The following NFX1 variants were observed in gnomAD, a reference collection of about 807,000 sequenced individuals.
NFX1 encodes transcriptional repressor NF-X1.
A neutral mutation model predicts 137.2 loss-of-function variants in NFX1; 69 were observed. The observed-to-expected ratio is 0.50, with a 90% CI of 0.41 to 0.61. The LOEUF is 0.61. Ranked by LOEUF, NFX1 falls within the 20% of genes least tolerant of loss-of-function variation. The pLI is 0.00. For missense variants in NFX1, 1,167 were observed against 1,391.0 expected (o/e 0.84, Z 2.56); for synonymous variants, 495 against 474.1 (o/e 1.04, Z -0.57).
At chr9:33,290,660 A>G (rs1821122533) in intron 1 of NFX1, 63 bp downstream of exon 1, 3 of 1,525,870 alleles carry the variant, frequency 2.0e-6, no homozygotes, top group East Asian at 2.3e-5. Context: ...GTCAGTGACG[A>G]AGTTCTAGGG....
At chr9:33,312,511 G>A (rs1427795153) in intron 6 of NFX1, among the ~76,000 whole-genome samples, 1 of 152,236 alleles carries the variant, frequency 6.6e-6, no homozygotes, top group Non-Finnish European at 1.5e-5. Flanking sequence ...AACTCTTCTT[G>A]CAGGAGAGTA....
At chr9:33,358,742 A>G (rs759182807) in intron 19 of NFX1, among the ~76,000 whole-genome samples, 181 of 136,636 alleles carry the variant, frequency 1.3e-3, no homozygotes, top group Non-Finnish European at 2.3e-3. Flanking sequence ...AGCTCACTGC[A>G]GCCTCTACCT....
At position 33,295,442 on chromosome 9, in the gene NFX1, A is replaced by G. The variant is rs1360461524; in HGVS notation, c.1033+15A>G. The G allele has an allele frequency of 6.3e-7, 1 of 1,581,930 alleles. No homozygotes were observed. Among genetic ancestry groups the G allele is most frequent in the Non-Finnish European group, 8.6e-7 (1 of 1,162,902 alleles). Reference sequence around the variant, plus strand: ...AACGCACACAGGTAAACCTACCTAGATAGGAAATATTTTGTTGTCTTTTTA... The same window carrying G: ...AACGCACACAGGTAAACCTACCTAGGTAGGAAATATTTTGTTGTCTTTTTA... On this transcript the variant is annotated intron_variant, in intron 2 of 23. Transcript: ENST00000379540.
chr9:33,342,832 C>T lies in NFX1; in HGVS notation c.2202C>T (p.Asn734=), dbSNP rs773289316. ...GTGAAGAACCTTGTCATCGTGGAAA[C>T]TGCCAGACATGCTGGCAAGCCAGTG... ...HRCEEPCHRG[N]CQTCWQASFD... Residue 734 remains asparagine (N), a synonymous_variant, in exon 13 of 24, where the codon AAC becomes AAT. Coordinates refer to ENST00000379540, the MANE Select transcript of NFX1 (RefSeq NM_002504.6). 1.9e-6 allele frequency: 3 copies of T among 1,612,996 alleles called. No individual in the cohort carries two copies. The highest frequency in any genetic ancestry group is 2.5e-6 in the Non-Finnish European group (3 of 1,179,530).
rs1409857864 is a variant in NFX1, at chr9:33,371,077, G to A, written c.*1099G>A. On this transcript the variant is annotated 3_prime_UTR_variant, in exon 24 of 24. Transcript: ENST00000379540. ...TTCCTTCTGCCCTAGAGCAAGCCAT[G>A]AGCCCCAGAGCAGTAGCAGGAGACT... The A allele has an allele frequency of 2.6e-5, 4 of 152,220 alleles. No homozygotes were observed. The highest frequency in any genetic ancestry group is 4.8e-5 in the African/African-American group (2 of 41,464). 9.4% of individuals were successfully genotyped at this position (152,220 alleles called of 1,614,324 possible). A position where few individuals can be genotyped will look rare whatever the true frequency, so the allele number is the denominator to read the frequency against.
intron 5 of NFX1, among the ~76,000 whole-genome samples, chr9:33,310,599 A>T (rs138192163): frequency 6.6e-6 from 1 of 151,864 alleles, no homozygotes; most frequent in African/African-American, 2.4e-5. Flanking sequence ...GCCTCCCCTC[A>T]TGTCAGCCTT....
intron 9 of NFX1, among the ~76,000 whole-genome samples, chr9:33,320,167 G>A (rs1181722744): frequency 6.6e-6 from 1 of 151,876 alleles, no homozygotes; most frequent in African/African-American, 2.4e-5. Flanking sequence ...GTTTCACCAT[G>A]TTGGCCAAGC....
At chr9:33,335,147 C>G (rs1395525374) in intron 11 of NFX1, among the ~76,000 whole-genome samples, 2 of 151,816 alleles carry the variant, frequency 1.3e-5, no homozygotes, top group Non-Finnish European at 2.9e-5. Flanking sequence ...TTCAGTGGCA[C>G]TTAGTTCTTT....
Position 33,305,481 on chromosome 9 carries a change from ATACC to A in NFX1, c.1271-1712_1271-1709del, listed in dbSNP as rs554599570. Among the ~76,000 whole-genome samples, 50 of 152,320 alleles carry A rather than the reference ATACC, an allele frequency of 3.3e-4. 2 individuals are homozygous for A. The South Asian group carries it at 9.7e-3, about 30-fold the overall frequency. On this transcript the variant is annotated intron_variant, in intron 4 of 23. Transcript: ENST00000379540. ...CTGGAAAGGAAGGGCTGACCCTTTG[ATACC>A]AGTCTCAGATGTTGGGACTTCATTT...
intron 15 of NFX1, among the ~76,000 whole-genome samples, chr9:33,350,370 G>T (rs1018838056): frequency 9.2e-5 from 14 of 151,376 alleles, no homozygotes; most frequent in African/African-American, 3.4e-4. Flanking sequence ...CAGAACCCTG[G>T]GCTAAGGTTG....
intron 9 of NFX1, among the ~76,000 whole-genome samples, chr9:33,324,946 A>G (rs973165511): frequency 1.3e-5 from 2 of 151,888 alleles, no homozygotes; most frequent in Admixed American, 6.6e-5. Context: ...AAAAAAAAGA[A>G]AGAGATTATA....
chr9:33,307,556 T>C (rs1821796149), intron 5 of NFX1, among the ~76,000 whole-genome samples: 1 of 152,210 alleles, frequency 6.6e-6, no homozygotes, highest in South Asian at 2.1e-4. Context: ...TTGCCCAGCA[T>C]CACAGTGGCA....
Position 33,354,877 on chromosome 9 carries a change from C to G in NFX1, c.2858C>G (p.Ala953Gly). The G allele has an allele frequency of 6.2e-7, 1 of 1,613,740 alleles. No homozygotes were observed. The highest frequency in any genetic ancestry group is 1.3e-5 in the African/African-American group (1 of 74,938). Residue 953 changes from alanine (A) to glycine (G), a missense_variant, in exon 19 of 24, where the codon GCC (alanine) becomes GGC (glycine). Ala to Gly is a moderately conservative substitution (Grantham distance 60, BLOSUM62 0). Transcript: ENST00000379540. ...CTGGAGTGTGATGAGGAGTGTTCAG[C>G]CTTGGAAAGGAAAAAGTAAGTAGTT... ...ARLECDEECS[A>G]LERKKRLAEA...
At chr9:33,349,532 T>C (rs540329512) in intron 15 of NFX1, among the ~76,000 whole-genome samples, 1 of 152,170 alleles carries the variant, frequency 6.6e-6, no homozygotes, top group Non-Finnish European at 1.5e-5. Context: ...TGGAAGTCTC[T>C]TCAGGGGGAG....
chr9:33,334,578 GT>G (rs779723334), intron 11 of NFX1, among the ~76,000 whole-genome samples: 13 of 152,300 alleles, frequency 8.5e-5, no homozygotes, highest in Middle Eastern at 3.4e-3. Context: ...TAGTTTGTTA[GT>G]TAGGGTTTCA....
chr9:33,311,290 A>G (rs1821951045), intron 6 of NFX1, 113 bp downstream of exon 6: 1 of 980,676 alleles, frequency 1.0e-6, no homozygotes, highest in Non-Finnish European at 1.6e-6. Flanking sequence ...GTAGGCATGA[A>G]TAGTACTTTT....
In NFX1 at chr9:33,295,387, C is replaced by T. The variant is rs772646855; in HGVS notation, c.993C>T (p.Gly331=). ...AAGTAGTATCTCCTTTCTCCCGAGG[C>T]AAACAGAACCATGTGCTAAAGAATG... ...DPQVVSPFSR[G]KQNHVLKNVE... The change falls in exon 2 of 24, where the codon GGC becomes GGT. Residue 331 remains glycine, a synonymous_variant. Coordinates refer to ENST00000379540, the MANE Select transcript of NFX1 (RefSeq NM_002504.6). 7.4e-6 allele frequency: 12 copies of T among 1,613,882 alleles called. No homozygotes were observed. Among genetic ancestry groups the T allele is most frequent in the African/African-American group, 2.7e-5 (2 of 74,918 alleles).
At chr9:33,339,622 A>T (rs1237446470) in intron 12 of NFX1, among the ~76,000 whole-genome samples, 1 of 152,226 alleles carries the variant, frequency 6.6e-6, no homozygotes, top group Admixed American at 6.5e-5. Context: ...TCATTTCAGC[A>T]TTAACGCAAA....
At chr9:33,303,904 T>C (rs952930362) in intron 4 of NFX1, among the ~76,000 whole-genome samples, 1 of 152,094 alleles carries the variant, frequency 6.6e-6, no homozygotes, top group Non-Finnish European at 1.5e-5. Flanking sequence ...GTTTCTTTAC[T>C]GTCTGTCTCC....
Sources: gnomAD v4.1 joint callset for allele counts (sites outside exome capture counted in the v4.1 genomes callset) on GRCh38, gnomAD v4.1.1 for gene constraint, MANE v1.5 for transcripts, NCBI Gene and HGNC (gene_info 2026-07-23, HGNC 2026-07-21) for gene names.